TAFA4: variants seen among roughly 807,000 people sequenced by gnomAD.
The protein encoded by TAFA4 is chemokine-like protein TAFA-4.
TAFA4 carries 20 observed loss-of-function variants against 21.1 expected under a neutral mutation model. That is an observed-to-expected ratio of 0.95 (90% CI 0.67 to 1.38). The LOEUF (loss-of-function observed/expected upper bound fraction) is 1.38. Among genes scored for constraint, TAFA4 ranks in the 40% most tolerant of loss-of-function variants. TAFA4 has a pLI of 0.00. For missense variants in TAFA4, 211 were observed against 180.9 expected (o/e 1.17, Z -0.95); for synonymous variants, 71 against 67.4 (o/e 1.05, Z -0.26).
At chr3:68,741,147 T>C (rs1046889852) in intron 4 of TAFA4, among the ~76,000 whole-genome samples, 1 of 152,234 alleles carries the variant, frequency 6.6e-6, no homozygotes, top group African/African-American at 2.4e-5. Context: ...TGGTTCTATA[T>C]GAATTTTAGG....
intron 4 of TAFA4, among the ~76,000 whole-genome samples, chr3:68,741,209 T>A (rs1702345149): frequency 6.6e-6 from 1 of 152,208 alleles, no homozygotes; most frequent in Non-Finnish European, 1.5e-5. Context: ...TTAGGGATTG[T>A]ATCTGTAGAT....
intron 3 of TAFA4, among the ~76,000 whole-genome samples, chr3:68,779,331 A>G (rs921162905): frequency 5.9e-5 from 9 of 152,178 alleles, no homozygotes; most frequent in African/African-American, 1.9e-4. Context: ...CTGAGGAAAA[A>G]TTCAAGCCAG....
chr3:68,861,420 A>G (rs910066395), intron 3 of TAFA4, among the ~76,000 whole-genome samples: 5 of 152,014 alleles, frequency 3.3e-5, no homozygotes, highest in African/African-American at 4.8e-5. Context: ...TCATTCAGTT[A>G]GTTTTCGTTT....
intron 3 of TAFA4, among the ~76,000 whole-genome samples, chr3:68,826,627 A>G (rs140258188): frequency 6.6e-6 from 1 of 152,192 alleles, no homozygotes; most frequent in East Asian, 1.9e-4. Context: ...AATAAGTAAA[A>G]TAATATAAGT....
chr3:68,806,829 TGCTAGAAC>T (rs1209399299), intron 3 of TAFA4, among the ~76,000 whole-genome samples: 6 of 151,242 alleles, frequency 4.0e-5, no homozygotes, highest in African/African-American at 1.5e-4. Flanking sequence ...AATCTGACCA[TGCTAGAAC>T]CTAATCTTGG....
intron 1 of TAFA4, among the ~76,000 whole-genome samples, chr3:68,912,274 C>T (rs1291919317): frequency 6.6e-6 from 1 of 152,174 alleles, no homozygotes; most frequent in Admixed American, 6.5e-5. Flanking sequence ...TTACCAGTCT[C>T]ATCTAATCTG....
chr3:68,890,922 T>C (rs1350076690), intron 1 of TAFA4, among the ~76,000 whole-genome samples: 1 of 152,194 alleles, frequency 6.6e-6, no homozygotes, highest in East Asian at 1.9e-4. Context: ...AATGCCTAAA[T>C]AAATATTGCC....
chr3:68,801,300 TTCTG>T (rs1274219375), intron 3 of TAFA4, among the ~76,000 whole-genome samples: 1 of 152,224 alleles, frequency 6.6e-6, no homozygotes, highest in African/African-American at 2.4e-5. Flanking sequence ...TCCTGTTTTA[TTCTG>T]TCTTTGTCTA....
intron 3 of TAFA4, among the ~76,000 whole-genome samples, chr3:68,829,473 T>C (rs927437392): frequency 6.6e-6 from 1 of 152,218 alleles, no homozygotes; most frequent in Admixed American, 6.5e-5. Flanking sequence ...TCGGTTCTGT[T>C]TATGTGATGG....
At chr3:68,757,490 G>A (rs950625203) in intron 3 of TAFA4, among the ~76,000 whole-genome samples, 1 of 152,116 alleles carries the variant, frequency 6.6e-6, no homozygotes, top group African/African-American at 2.4e-5. Flanking sequence ...TTGAGAGTCT[G>A]TAATGAAAGC....
At chr3:68,886,173 C>T (rs1229400093) in intron 1 of TAFA4, among the ~76,000 whole-genome samples, 1 of 152,144 alleles carries the variant, frequency 6.6e-6, no homozygotes, top group Middle Eastern at 3.2e-3. Context: ...AAGAATCCAC[C>T]ACCAAGCACA....
intron 3 of TAFA4, among the ~76,000 whole-genome samples, chr3:68,777,983 ATCTT>A (rs1400549773): frequency 2.6e-5 from 4 of 152,132 alleles, no homozygotes; most frequent in Admixed American, 1.3e-4. Flanking sequence ...ACCTAACAAT[ATCTT>A]TCTTAGAAAG....
In TAFA4 at chr3:68,881,123, T is replaced by C. The variant is rs945754921; in HGVS notation, c.15-278A>G. Among the ~76,000 whole-genome samples, 22 of 152,230 alleles carry C rather than the reference T, an allele frequency of 1.4e-4. 1 individual carries two copies. Among genetic ancestry groups the C allele is most frequent in the African/African-American group, 1.9e-4 (8 of 41,458 alleles). Reference sequence around the variant, plus strand: ...CAAGTTGTTGCCTGAGTTACCCTAATAGAGCATGGGGATTTTATTCTATTT... The same window carrying C: ...CAAGTTGTTGCCTGAGTTACCCTAACAGAGCATGGGGATTTTATTCTATTT... On this transcript the variant is annotated intron_variant, in intron 2 of 5. Coordinates refer to ENST00000295569, the MANE Select transcript of TAFA4 (RefSeq NM_182522.5).
intron 1 of TAFA4, among the ~76,000 whole-genome samples, chr3:68,910,294 G>C (rs1355884867): frequency 2.6e-5 from 4 of 152,130 alleles, no homozygotes; most frequent in Non-Finnish European, 4.4e-5. Flanking sequence ...GGCCCACCCT[G>C]GTATCTGTCT....
intron 3 of TAFA4, among the ~76,000 whole-genome samples, chr3:68,855,586 T>A (rs3943100): frequency 9.2e-5 from 14 of 151,922 alleles, no homozygotes; most frequent in East Asian, 1.9e-4. Context: ...GTTTGATCCC[T>A]AAGACAAACT....
chr3:68,847,924 C>T (rs558804988), intron 3 of TAFA4, among the ~76,000 whole-genome samples: 1 of 152,332 alleles, frequency 6.6e-6, no homozygotes, highest in South Asian at 2.1e-4. Context: ...ATTCATTAAA[C>T]ATTTTCAAGT....
intron 3 of TAFA4, among the ~76,000 whole-genome samples, chr3:68,832,112 A>C (rs1420799541): frequency 6.6e-6 from 1 of 152,102 alleles, no homozygotes; most frequent in African/African-American, 2.4e-5. Flanking sequence ...GCTTCCTTGC[A>C]ATGGGTTAGA....
intron 1 of TAFA4, among the ~76,000 whole-genome samples, chr3:68,931,380 T>TA (rs2090156352): frequency 6.6e-6 from 1 of 152,120 alleles, no homozygotes; most frequent in Admixed American, 6.5e-5. Context: ...ACAGCTTTAC[T>TA]AAGGCTCCGT....
At chr3:68,734,994 C>CTGAT (rs1192092813) in intron 5 of TAFA4, among the ~76,000 whole-genome samples, 3 of 152,054 alleles carry the variant, frequency 2.0e-5, no homozygotes, top group African/African-American at 7.2e-5. Flanking sequence ...TATTATTGTA[C>CTGAT]TGATTACATG....
Sources: gnomAD v4.1 joint callset for allele counts (sites outside exome capture counted in the v4.1 genomes callset) on GRCh38, gnomAD v4.1.1 for gene constraint, MANE v1.5 for transcripts, NCBI Gene and HGNC (gene_info 2026-07-23, HGNC 2026-07-21) for gene names.